Variants in FARP1 observed in about 807,000 individuals in gnomAD.
FARP1 encodes the protein FERM, ARHGEF and pleckstrin domain-containing protein 1.
A neutral mutation model predicts 128.8 loss-of-function variants in FARP1; 52 were observed. The ratio of observed to expected loss-of-function variants is 0.40; its 90% CI spans 0.32 to 0.51. The LOEUF (loss-of-function observed/expected upper bound fraction) is 0.51. Among genes scored for constraint, FARP1 ranks in the 20% least tolerant of loss-of-function variants. The probability of loss-of-function intolerance (pLI) is 0.45; values close to 1 mark genes in which losing one functional copy is unlikely to be tolerated. For synonymous variants in FARP1, 580 were observed against 551.8 expected, an observed-to-expected ratio of 1.05 and a Z score of -0.72; for missense variants, 1,333 against 1,367.9, an observed-to-expected ratio of 0.97 and a Z score of 0.40.
chr13:98,443,236 T>G (rs1892601377), intron 24 of FARP1, among the ~76,000 whole-genome samples: 1 of 152,154 alleles, frequency 6.6e-6, no homozygotes, highest in South Asian at 2.1e-4. Context: ...TGAGGAAAAG[T>G]TTGCTGACCC....
chr13:98,371,369 T>C (rs2139987497), intron 5 of FARP1, among the ~76,000 whole-genome samples: 1 of 152,304 alleles, frequency 6.6e-6, no homozygotes, highest in East Asian at 1.9e-4. Context: ...GAGCCGCATG[T>C]GCCTGGTACA....
intron 20 of FARP1, 96 bp downstream of exon 20, chr13:98,438,968 G>A (rs1041910790): frequency 6.9e-7 from 1 of 1,454,168 alleles, no homozygotes; most frequent in African/African-American, 1.4e-5. Flanking sequence ...TGAGGGACCT[G>A]GGGTAGAGGA....
intron 2 of FARP1, among the ~76,000 whole-genome samples, chr13:98,280,594 C>T (rs750103777): frequency 9.2e-5 from 14 of 152,134 alleles, no homozygotes; most frequent in Non-Finnish European, 1.8e-4. Context: ...CTGTGGTAAA[C>T]GAGCAACTTG....
intron 1 of FARP1, among the ~76,000 whole-genome samples, chr13:98,198,356 C>G (rs577649675): frequency 6.6e-6 from 1 of 152,194 alleles, no homozygotes; most frequent in African/African-American, 2.4e-5. Context: ...CAATGTTTTT[C>G]TGTAGGGGAA....
chr13:98,288,863 A>G (rs2139656687), intron 2 of FARP1, among the ~76,000 whole-genome samples: 2 of 151,744 alleles, frequency 1.3e-5, no homozygotes, highest in East Asian at 1.9e-4. Context: ...CTTTTTTTCT[A>G]TTACATAATT....
rs1489096064 is a variant in FARP1 at position 98,448,159 on chromosome 13, T to A, written c.3057-77T>A. On this transcript the variant is annotated intron_variant, in intron 26 of 26. Transcript: ENST00000319562. ...AGGCGGCCTGACTTCACCTTGTGTTTCTGTAAGCGATGCCCACCAAAGTGT... is the reference window on the plus strand; with the variant it reads ...AGGCGGCCTGACTTCACCTTGTGTTACTGTAAGCGATGCCCACCAAAGTGT... 4.0e-4 allele frequency: 502 copies of A among 1,261,526 alleles called. 1 individual carries two copies. In the African/African-American group the frequency reaches 4.7e-3, roughly 12 times the overall value. 78.1% of individuals were successfully genotyped at this position (1,261,526 alleles called of 1,614,324 possible).
chr13:98,199,714 T>G (rs1317812858), intron 1 of FARP1, among the ~76,000 whole-genome samples: 1 of 152,202 alleles, frequency 6.6e-6, no homozygotes, highest in Non-Finnish European at 1.5e-5. Flanking sequence ...CGAGTGAGGT[T>G]GGCTGCAGAC....
rs150660492 is a variant in FARP1, at chr13:98,363,988, C to T, written c.277-1407C>T. ...AACTCCTGACCTTGTGATCCACCTG[C>T]CTTGGCCTCCCAAAGTGCTGGGATT... On this transcript the variant is annotated intron_variant, in intron 3 of 26. Transcript: ENST00000319562. Among the ~76,000 whole-genome samples, 49 of 152,322 alleles carry T rather than the reference C, an allele frequency of 3.2e-4. 1 individual carries two copies. The East Asian group carries it at 9.5e-3, about 29-fold the overall frequency.
At chr13:98,323,006 A>C (rs1887067449) in intron 2 of FARP1, among the ~76,000 whole-genome samples, 2 of 152,210 alleles carry the variant, frequency 1.3e-5, no homozygotes. Flanking sequence ...AAAAACAGTA[A>C]TATTAGATAT....
chr13:98,424,756 T>C, intron 17 of FARP1, 106 bp downstream of exon 17: 1 of 778,890 alleles, frequency 1.3e-6, no homozygotes, highest in Admixed American at 2.0e-5. Context: ...CATCACCTGA[T>C]TTGACTCTCT....
At chr13:98,258,413 T>C (rs994407820) in intron 2 of FARP1, among the ~76,000 whole-genome samples, 5 of 152,202 alleles carry the variant, frequency 3.3e-5, no homozygotes, top group African/African-American at 1.2e-4. Context: ...CTGCCTGGCA[T>C]AGAGTTATAT....
chr13:98,355,161 A>G (rs1888589273), intron 3 of FARP1, among the ~76,000 whole-genome samples: 2 of 152,002 alleles, frequency 1.3e-5, no homozygotes, highest in Non-Finnish European at 2.9e-5. Context: ...CAGCCTGAGA[A>G]ACATGGTGAA....
intron 2 of FARP1, among the ~76,000 whole-genome samples, chr13:98,264,850 A>T (rs1257005440): frequency 3.3e-5 from 5 of 152,240 alleles, no homozygotes; most frequent in Admixed American, 6.5e-5. Context: ...GATAGTAATC[A>T]TTATTATTCT....
intron 1 of FARP1, chr13:98,203,759 C>T (rs920106354): frequency 6.6e-6 from 1 of 152,126 alleles, no homozygotes; most frequent in African/African-American, 2.4e-5. Flanking sequence ...GGGAAGATAC[C>T]TAGGAGTGGA....
chr13:98,353,497 G>C (rs1260929500), intron 3 of FARP1, among the ~76,000 whole-genome samples: 1 of 152,170 alleles, frequency 6.6e-6, no homozygotes, highest in Non-Finnish European at 1.5e-5. Flanking sequence ...TCCTGTCTCA[G>C]CCTCCCGAGT....
At chr13:98,388,958 CTG>C (rs1159273811) in intron 9 of FARP1, among the ~76,000 whole-genome samples, 2 of 152,270 alleles carry the variant, frequency 1.3e-5, no homozygotes, top group Admixed American at 6.5e-5. Flanking sequence ...ACGCCTAACA[CTG>C]TGGCCCACGC....
chr13:98,411,851 A>G (rs769812316), intron 15 of FARP1, 50 bp from the exon 16 acceptor site: 2 of 1,595,104 alleles, frequency 1.3e-6, no homozygotes, highest in South Asian at 1.1e-5. Context: ...AACTGCAGAC[A>G]CTCGTCATTG....
intron 1 of FARP1, among the ~76,000 whole-genome samples, chr13:98,166,528 T>C (rs1331530525): frequency 6.6e-6 from 1 of 152,138 alleles, no homozygotes; most frequent in African/African-American, 2.4e-5. Flanking sequence ...ATGAGGAAAC[T>C]GAGGCAGGAG....
In FARP1 at chr13:98,431,034, C is replaced by T. The variant is rs1594527985; in HGVS notation, c.1906-9C>T. 6.2e-7 allele frequency: 1 copy of T among 1,600,554 alleles called. No individual in the cohort carries two copies. Among genetic ancestry groups the T allele is most frequent in the East Asian group, 2.2e-5 (1 of 44,808 alleles). ...TGAACAGGACCCTCCTCCTCTGTTG[C>T]CTCCCAAGCACCTGGCGGCTCACCT... is the stretch of plus-strand genomic sequence containing the variant. On this transcript the variant is annotated splice_polypyrimidine_tract_variant and intron_variant, in intron 17 of 26. Transcript: ENST00000319562.
Sources: gnomAD v4.1 joint callset for allele counts (sites outside exome capture counted in the v4.1 genomes callset) on GRCh38, gnomAD v4.1.1 for gene constraint, MANE v1.5 for transcripts, NCBI Gene and HGNC (gene_info 2026-07-23, HGNC 2026-07-21) for gene names.